Variants in PARD3B observed in about 807,000 individuals in gnomAD.
PARD3B encodes the protein par-3 family cell polarity regulator beta, also known as partitioning defective 3 homolog B.
PARD3B carries 103 observed loss-of-function variants against 130.2 expected under a neutral mutation model. The ratio of observed to expected loss-of-function variants is 0.79; its 90% CI spans 0.67 to 0.93. The LOEUF (loss-of-function observed/expected upper bound fraction) is 0.93. Ranked by LOEUF, PARD3B falls within the 40% of genes least tolerant of loss-of-function variation. PARD3B has a pLI of 0.00. For missense variants in PARD3B, 1,609 were observed against 1,499.2 expected, an observed-to-expected ratio of 1.07 and a Z score of -1.21; for synonymous variants, 583 against 553.2, an observed-to-expected ratio of 1.05 and a Z score of -0.76.
chr2:205,324,231 T>C (rs2042860008), intron 18 of PARD3B, among the ~76,000 whole-genome samples: 1 of 152,206 alleles, frequency 6.6e-6, no homozygotes, highest in Admixed American at 6.5e-5. Context: ...AAATAAATTC[T>C]TCTATTACTT....
At chr2:205,346,496 C>A (rs2043795434) in intron 18 of PARD3B, among the ~76,000 whole-genome samples, 2 of 152,066 alleles carry the variant, frequency 1.3e-5, no homozygotes, top group Non-Finnish European at 2.9e-5. Flanking sequence ...CAAAGAGGTT[C>A]CAAGAGGGCT....
intron 19 of PARD3B, among the ~76,000 whole-genome samples, chr2:205,402,294 T>C (rs1009344777): frequency 6.6e-6 from 1 of 152,218 alleles, no homozygotes; most frequent in African/African-American, 2.4e-5. Context: ...ATGAAAGATA[T>C]TCTCCGTCAT....
intron 1 of PARD3B, 116 bp downstream of exon 1, chr2:204,546,235 T>A: frequency 7.2e-7 from 1 of 1,396,590 alleles, no homozygotes; most frequent in South Asian, 1.3e-5. Context: ...GCACTGCCTG[T>A]AGCTGCAGCT....
chr2:204,964,238 C>T (rs556136077), intron 2 of PARD3B, among the ~76,000 whole-genome samples: 4 of 152,314 alleles, frequency 2.6e-5, no homozygotes, highest in African/African-American at 9.6e-5. Flanking sequence ...GACTTTTCTA[C>T]ATCAGCTGAT....
At position 205,238,848 on chromosome 2, in the gene PARD3B, A is replaced by AT. The variant is rs1559574735; in HGVS notation, c.2141-6930_2141-6929insT. 6.7e-3 allele frequency among the ~76,000 whole-genome samples: 510 copies of AT among 76,476 alleles called. 10 individuals are homozygous for AT. Among genetic ancestry groups the AT allele is most frequent in the South Asian group, 0.014 (27 of 1,966 alleles). The allele number at this position is 76,476 out of a possible 152,430, so 50.2% of individuals were successfully genotyped here. On this transcript the variant is annotated intron_variant, in intron 15 of 22. Coordinates refer to ENST00000406610, the MANE Select transcript of PARD3B (RefSeq NM_001302769.2). ...AAAACTCCGTTTCAAAAAAAAAAAAAAATATATATATATATATATATATAT... is the reference window on the plus strand; with the variant it reads ...AAAACTCCGTTTCAAAAAAAAAAAAATAATATATATATATATATATATATAT...
At chr2:204,909,881 T>G (rs1469433580) in intron 2 of PARD3B, among the ~76,000 whole-genome samples, 1 of 152,220 alleles carries the variant, frequency 6.6e-6, no homozygotes, top group Non-Finnish European at 1.5e-5. Context: ...TTTTTCGAAC[T>G]ATTTTTCTCA....
chr2:204,652,299 A>G (rs1021781420), intron 1 of PARD3B, among the ~76,000 whole-genome samples: 1 of 152,174 alleles, frequency 6.6e-6, no homozygotes, highest in Non-Finnish European at 1.5e-5. Flanking sequence ...ACACGACTGT[A>G]TGCATTAGGA....
intron 18 of PARD3B, among the ~76,000 whole-genome samples, chr2:205,381,035 A>ATAATATC (rs1559035472): frequency 0.016 from 1,154 of 71,824 alleles, 279 homozygotes; most frequent in African/African-American, 0.03. Context: ...TATATTATAT[A>ATAATATC]TAAAGAATAT....
rs2039452845 is a variant in PARD3B, at chr2:205,243,659, TTG to T, written c.2141-2117_2141-2116del. ...GTTTTCCAGCATATAGTTAGTTGCG[TTG>T]TCTTATATTCCAGGTTTCTCAGGTA... On this transcript the variant is annotated intron_variant, in intron 15 of 22. Transcript: ENST00000406610. Among the ~76,000 whole-genome samples, 3 of 152,228 alleles carry T rather than the reference TTG, an allele frequency of 2.0e-5. No individual in the cohort carries two copies. In the South Asian group the frequency reaches 6.2e-4, roughly 31 times the overall value.
intron 2 of PARD3B, among the ~76,000 whole-genome samples, chr2:204,924,980 T>TATATATGCATATACATGTATACATATGC (rs1687488955): frequency 2.0e-5 from 3 of 150,538 alleles, no homozygotes; most frequent in Admixed American, 6.6e-5. Flanking sequence ...CGCAATCTGA[T>TATATATGCATATACATGTATACATATGC]ATATATGCAT....
chr2:205,568,331 G>A lies in PARD3B; in HGVS notation c.3260+14928G>A, dbSNP rs2053438228. 6.6e-6 allele frequency among the ~76,000 whole-genome samples: 1 copy of A among 152,204 alleles called. No homozygotes were observed. Among genetic ancestry groups the A allele is most frequent in the South Asian group, 2.1e-4 (1 of 4,832 alleles). On this transcript the variant is annotated intron_variant, in intron 22 of 22. Transcript: ENST00000406610. This position sits in a 1 kb window ranked among gnomAD's most constrained non-coding sequence, Gnocchi z 5.3. ...GGTCATGTCTTGTACGGAACACAGT[G>A]AATGCCAATAGCACCAACAGAGCAA...
chr2:205,178,223 G>GGA (rs1553632800), intron 13 of PARD3B, among the ~76,000 whole-genome samples: 3 of 144,292 alleles, frequency 2.1e-5, no homozygotes, highest in Admixed American at 2.0e-4. Flanking sequence ...AGCTACTATG[G>GGA]GGGGGGAAAA....
At chr2:204,566,824 T>A (rs1410879389) in intron 1 of PARD3B, among the ~76,000 whole-genome samples, 1 of 152,102 alleles carries the variant, frequency 6.6e-6, no homozygotes, top group African/African-American at 2.4e-5. Context: ...TTTTTTAGTA[T>A]CTTTAGGCAT....
At chr2:204,706,643 T>C (rs1285950129) in intron 2 of PARD3B, among the ~76,000 whole-genome samples, 1 of 145,986 alleles carries the variant, frequency 6.8e-6, no homozygotes, top group Non-Finnish European at 1.5e-5. Context: ...TCTAGGGTGA[T>C]GATCTCGGTC....
At chr2:205,140,689 C>T (rs1257542359) in intron 10 of PARD3B, among the ~76,000 whole-genome samples, 2 of 151,972 alleles carry the variant, frequency 1.3e-5, no homozygotes, top group South Asian at 2.1e-4. Flanking sequence ...AGACAAAGTA[C>T]AATGTGTACT....
intron 3 of PARD3B, among the ~76,000 whole-genome samples, chr2:204,985,928 C>T (rs967731534): frequency 2.6e-5 from 4 of 151,638 alleles, no homozygotes; most frequent in African/African-American, 4.8e-5. Context: ...GGTGAAACCC[C>T]GTCTCTACTA....
chr2:205,449,418 G>A (rs542614471), intron 20 of PARD3B, among the ~76,000 whole-genome samples: 1 of 148,674 alleles, frequency 6.7e-6, no homozygotes, highest in Non-Finnish European at 1.5e-5. Flanking sequence ...TTTAGTAGAG[G>A]CAGGGTTTCA....
chr2:204,810,482 T>G (rs1183748976), intron 2 of PARD3B, among the ~76,000 whole-genome samples: 1 of 152,226 alleles, frequency 6.6e-6, no homozygotes, highest in African/African-American at 2.4e-5. Context: ...TGTTGAATTT[T>G]ATCAAAAGCC....
intron 2 of PARD3B, among the ~76,000 whole-genome samples, chr2:204,832,333 T>G (rs1422254180): frequency 6.6e-6 from 1 of 152,226 alleles, no homozygotes; most frequent in South Asian, 2.1e-4. Context: ...ATGCTTGCTT[T>G]TCTGTTTAAA....
Sources: allele counts gnomAD v4.1 joint callset (sites outside exome capture counted in the v4.1 genomes callset), GRCh38; gene constraint gnomAD v4.1.1; non-coding constraint Gnocchi (gnomAD v3.1); transcripts MANE v1.5; gene names NCBI Gene and HGNC (gene_info 2026-07-23, HGNC 2026-07-21).